Variants in KIF5B observed in about 807,000 individuals in gnomAD.
The protein encoded by KIF5B is kinesin family member 5B.
In KIF5B, 49 loss-of-function variants were observed where a neutral mutation model predicts 132.8. The ratio of observed to expected loss-of-function variants is 0.37; its 90% CI spans 0.29 to 0.47. The LOEUF is 0.47. KIF5B is among the 20% of genes least tolerant of loss of function. The pLI is 1.00. For synonymous variants in KIF5B, 355 were observed against 369.4 expected, an observed-to-expected ratio of 0.96 and a Z score of 0.45; for missense variants, 780 against 1,144.0, an observed-to-expected ratio of 0.68 and a Z score of 4.59.
rs911283266 is a variant in KIF5B at position 32,011,029 on chromosome 10, T to C, written c.*508A>G. The C allele has an allele frequency of 6.6e-6, 1 of 152,124 alleles. No homozygotes were observed. The highest frequency in any genetic ancestry group is 2.4e-5 in the African/African-American group (1 of 41,450). The allele number at this position is 152,124 out of a possible 1,614,324, so 9.4% of individuals were successfully genotyped here. On this transcript the variant is annotated 3_prime_UTR_variant, in exon 26 of 26. Transcript: ENST00000302418. ...ACTGACTGGATATATTTTATGGGCATGTAGTGTTGTTAAGTGGTAAAATTT... is the reference window on the plus strand; with the variant it reads ...ACTGACTGGATATATTTTATGGGCACGTAGTGTTGTTAAGTGGTAAAATTT...
chr10:32,036,175 TAG>T (rs1841457911), intron 8 of KIF5B, among the ~76,000 whole-genome samples, 181 bp from the exon 9 acceptor site: 1 of 152,186 alleles, frequency 6.6e-6, no homozygotes, highest in African/African-American at 2.4e-5. Context: ...AGAGTTTGAT[TAG>T]AGAGACATCA....
intron 3 of KIF5B, among the ~76,000 whole-genome samples, 158 bp downstream of exon 3, chr10:32,040,226 T>G (rs1392069747): frequency 2.0e-5 from 3 of 152,166 alleles, no homozygotes; most frequent in Non-Finnish European, 2.9e-5. Flanking sequence ...ACTCAGGAAC[T>G]GATTAGATTC....
chr10:32,049,861 G>A (rs1300106528), intron 1 of KIF5B, among the ~76,000 whole-genome samples: 2 of 152,130 alleles, frequency 1.3e-5, no homozygotes, highest in Non-Finnish European at 2.9e-5. Context: ...AGGTCAGATT[G>A]GAATGGATTG....
intron 19 of KIF5B, among the ~76,000 whole-genome samples, 178 bp from the exon 20 acceptor site, chr10:32,020,137 G>A (rs540049188): frequency 7.9e-5 from 12 of 152,188 alleles, no homozygotes; most frequent in Admixed American, 3.9e-4. Context: ...AAAATTTTTC[G>A]TATTTTGGTT....
chr10:32,040,140 AT>A (rs1841513571), intron 3 of KIF5B, among the ~76,000 whole-genome samples: 1 of 152,230 alleles, frequency 6.6e-6, no homozygotes, highest in African/African-American at 2.4e-5. Flanking sequence ...CTAAAATGTT[AT>A]TTATTTTATG....
rs541122952 is a variant in KIF5B, at chr10:32,018,578, C to G, written c.2307-16G>C. ...TTGCATAACCCTAACAGTAGAAGAA[C>G]AAACATATATTTTCAAATTTTATTC... On this transcript the variant is annotated splice_polypyrimidine_tract_variant and intron_variant, in intron 20 of 25. Coordinates refer to ENST00000302418, the MANE Select transcript of KIF5B (RefSeq NM_004521.3). 4 of 1,572,926 alleles carry G rather than the reference C, an allele frequency of 2.5e-6. No individual in the cohort carries two copies. Among genetic ancestry groups the G allele is most frequent in the Non-Finnish European group, 3.4e-6 (4 of 1,161,794 alleles).
intron 7 of KIF5B, 64 bp downstream of exon 7, chr10:32,037,456 A>G: frequency 6.3e-7 from 1 of 1,586,822 alleles, no homozygotes; most frequent in South Asian, 1.1e-5. Flanking sequence ...TCTTATAATT[A>G]ATCACCTGGA....
chr10:32,016,516 ATT>A (rs869046518), intron 24 of KIF5B, among the ~76,000 whole-genome samples: 1 of 151,828 alleles, frequency 6.6e-6, no homozygotes, highest in Non-Finnish European at 1.5e-5. Flanking sequence ...TCCTGCACCA[ATT>A]TTTGTTTGTT....
At chr10:32,026,917 T>C (rs1841341463) in intron 15 of KIF5B, among the ~76,000 whole-genome samples, 1 of 152,230 alleles carries the variant, frequency 6.6e-6, no homozygotes, top group South Asian at 2.1e-4. Flanking sequence ...GGCCCCATAG[T>C]GAGTCCACTG....
intron 13 of KIF5B, among the ~76,000 whole-genome samples, chr10:32,031,601 G>C (rs1333742126): frequency 6.6e-6 from 1 of 152,050 alleles, no homozygotes; most frequent in South Asian, 2.1e-4. Flanking sequence ...AGTAATACAG[G>C]AAAGAGTATT....
At chr10:32,020,045 T>C (rs1841237638) in intron 19 of KIF5B, 86 bp from the exon 20 acceptor site, 6 of 876,082 alleles carry the variant, frequency 6.8e-6, no homozygotes, top group South Asian at 6.5e-5. Context: ...TTTTAAATTC[T>C]ATAATCTCAT....
intron 2 of KIF5B, among the ~76,000 whole-genome samples, chr10:32,041,611 T>C (rs1841540242): frequency 6.6e-6 from 1 of 152,176 alleles, no homozygotes; most frequent in African/African-American, 2.4e-5. Context: ...TCAAAATCAA[T>C]TACCAAGAAG....
chr10:32,032,840 G>T, intron 12 of KIF5B, 66 bp from the exon 13 acceptor site: 2 of 1,164,314 alleles, frequency 1.7e-6, no homozygotes, highest in Non-Finnish European at 2.6e-6. Flanking sequence ...TCCCAATACA[G>T]GTTATAAGAT....
chr10:32,034,635 T>C, intron 11 of KIF5B, 55 bp downstream of exon 11: 1 of 1,311,130 alleles, frequency 7.6e-7, no homozygotes, highest in Non-Finnish European at 1.0e-6. Flanking sequence ...TCTACGTTTC[T>C]ATGCTCTAAA....
chr10:32,024,068 A>AC (rs1307409045), intron 15 of KIF5B, among the ~76,000 whole-genome samples: 3 of 145,702 alleles, frequency 2.1e-5, no homozygotes, highest in African/African-American at 2.5e-5. Flanking sequence ...AAAAAACAAA[A>AC]AAAAAAAAAC....
chr10:32,032,202 C>T (rs1179744343), intron 13 of KIF5B, among the ~76,000 whole-genome samples: 1 of 151,934 alleles, frequency 6.6e-6, no homozygotes, highest in Non-Finnish European at 1.5e-5. Context: ...TCCTATAATA[C>T]AAAGGACAGA....
intron 19 of KIF5B, 107 bp from the exon 20 acceptor site, chr10:32,020,066 T>C (rs1841237867): frequency 2.7e-6 from 2 of 739,764 alleles, no homozygotes; most frequent in East Asian, 2.5e-5. Flanking sequence ...CAAGGACTTT[T>C]CTGTTATCCT....
intron 2 of KIF5B, among the ~76,000 whole-genome samples, chr10:32,046,562 T>A (rs1447837377): frequency 2.0e-5 from 3 of 152,106 alleles, no homozygotes; most frequent in African/African-American, 7.2e-5. Flanking sequence ...TTGACCAAAT[T>A]TTCTGCGATC....
At chr10:32,020,727 G>T (rs1050325024) in intron 19 of KIF5B, among the ~76,000 whole-genome samples, 19 of 152,078 alleles carry the variant, frequency 1.2e-4, no homozygotes, top group African/African-American at 4.6e-4. Context: ...ACCCAGCCAA[G>T]AATTTTTTTA....
Sources: gnomAD v4.1 joint callset for allele counts (sites outside exome capture counted in the v4.1 genomes callset) on GRCh38, gnomAD v4.1.1 for gene constraint, MANE v1.5 for transcripts, NCBI Gene and HGNC (gene_info 2026-07-23, HGNC 2026-07-21) for gene names.